The following KCNIP4 variants were observed in gnomAD, a reference collection of about 807,000 sequenced individuals.
The protein encoded by KCNIP4 is potassium voltage-gated channel interacting protein 4.
Under a neutral mutation model 34.0 loss-of-function variants are expected in KCNIP4, and 12 were observed. The observed-to-expected ratio is 0.35, with a 90% CI of 0.23 to 0.57. The LOEUF is 0.57. Among genes scored for constraint, KCNIP4 ranks in the 20% least tolerant of loss-of-function variants. The probability of loss-of-function intolerance (pLI) is 0.83; values close to 1 mark genes in which losing one functional copy is unlikely to be tolerated. For synonymous variants in KCNIP4, 124 were observed against 102.2 expected (o/e 1.21, Z -1.29); for missense variants, 238 against 311.7 (o/e 0.76, Z 1.78).
intron 1 of KCNIP4, chr4:21,303,764 A>T: frequency 6.6e-7 from 1 of 1,517,518 alleles, no homozygotes; most frequent in African/African-American, 1.4e-5. Context: ...TTTTCATTGC[A>T]AAACAGAGAA....
At chr4:20,870,372 G>A (rs71607043) in intron 2 of KCNIP4, among the ~76,000 whole-genome samples, 16 of 152,112 alleles carry the variant, frequency 1.1e-4, no homozygotes, top group Admixed American at 4.6e-4. Flanking sequence ...CCCTTCACCC[G>A]TCCATCATGA....
At chr4:20,895,024 G>A (rs1184362157) in intron 1 of KCNIP4, among the ~76,000 whole-genome samples, 1 of 152,202 alleles carries the variant, frequency 6.6e-6, no homozygotes, top group Non-Finnish European at 1.5e-5. Flanking sequence ...TGATGGTAAA[G>A]ATGCACGCAG....
intron 1 of KCNIP4, among the ~76,000 whole-genome samples, chr4:21,279,997 C>T (rs1762679603): frequency 1.3e-5 from 2 of 152,160 alleles, no homozygotes; most frequent in East Asian, 3.8e-4. Context: ...ACTACTGCCA[C>T]ATTCCTCTTT....
At chr4:21,543,773 A>G (rs1366404201) in intron 1 of KCNIP4, among the ~76,000 whole-genome samples, 1 of 152,116 alleles carries the variant, frequency 6.6e-6, no homozygotes, top group Middle Eastern at 3.2e-3. Flanking sequence ...GCAAATGACT[A>G]AAGGGTGCCA....
intron 3 of KCNIP4, among the ~76,000 whole-genome samples, chr4:20,779,895 C>T (rs1220309554): frequency 6.6e-6 from 1 of 152,174 alleles, no homozygotes; most frequent in East Asian, 1.9e-4. Flanking sequence ...GAGCATGGCC[C>T]TGCTAACACC....
chr4:21,374,929 A>G lies in KCNIP4; in HGVS notation c.62-492220T>C, dbSNP rs1282587807. On this transcript the variant is annotated intron_variant, in intron 1 of 8. Transcript: ENST00000382152. ...ATTTCTTGGACTTATTTATACCATC[A>G]GTACCCTAATGACAGAAGAAATACA... Among the ~76,000 whole-genome samples the G allele has an allele frequency of 1.4e-5, 2 of 147,562 alleles. 1 individual carries two copies. The highest frequency in any genetic ancestry group is 5.4e-5 in the African/African-American group (2 of 37,132).
At chr4:21,414,036 CACA>C (rs1453586631) in intron 1 of KCNIP4, among the ~76,000 whole-genome samples, 1 of 151,976 alleles carries the variant, frequency 6.6e-6, no homozygotes, top group Non-Finnish European at 1.5e-5. Flanking sequence ...AGTGTAAACA[CACA>C]ACATTAACGA....
chr4:21,073,562 T>C (rs1034557753), intron 1 of KCNIP4, among the ~76,000 whole-genome samples: 15 of 152,204 alleles, frequency 9.9e-5, no homozygotes, highest in Non-Finnish European at 1.9e-4. Context: ...TTTCGAAATA[T>C]ACAATCATGT....
intron 1 of KCNIP4, among the ~76,000 whole-genome samples, chr4:21,585,861 T>A (rs1347943641): frequency 6.6e-6 from 1 of 152,080 alleles, no homozygotes; most frequent in Non-Finnish European, 1.5e-5. Flanking sequence ...ATGATGTTTA[T>A]CAGTTTTAAA....
At chr4:21,883,960 CG>C (rs1726610318) in intron 1 of KCNIP4, among the ~76,000 whole-genome samples, 1 of 151,998 alleles carries the variant, frequency 6.6e-6, no homozygotes, top group Admixed American at 6.6e-5. Context: ...TAGAAATATT[CG>C]GGAGTAGGTC....
At chr4:21,387,968 G>C (rs1722182542) in intron 1 of KCNIP4, among the ~76,000 whole-genome samples, 1 of 152,094 alleles carries the variant, frequency 6.6e-6, no homozygotes, top group Admixed American at 6.6e-5. Flanking sequence ...GCTCAGAGAG[G>C]GGAATGAGTG....
chr4:21,086,574 T>C (rs1577667063), intron 1 of KCNIP4, among the ~76,000 whole-genome samples: 1 of 152,340 alleles, frequency 6.6e-6, no homozygotes, highest in African/African-American at 2.4e-5. Context: ...ACAGGAAGGT[T>C]AATGAAGCAT....
At chr4:21,352,187 G>A (rs750095197) in intron 1 of KCNIP4, among the ~76,000 whole-genome samples, 39 of 152,250 alleles carry the variant, frequency 2.6e-4, no homozygotes, top group Admixed American at 2.3e-3. Context: ...AACAGCTCCG[G>A]TCTGCAGCTC....
chr4:20,747,958 A>T (rs1447716332), intron 5 of KCNIP4, among the ~76,000 whole-genome samples: 1 of 152,130 alleles, frequency 6.6e-6, no homozygotes, highest in Non-Finnish European at 1.5e-5. Context: ...ATACAATTCT[A>T]CCAATTTTGT....
At chr4:20,757,723 T>G (rs574237858) in intron 4 of KCNIP4, among the ~76,000 whole-genome samples, 2 of 152,250 alleles carry the variant, frequency 1.3e-5, no homozygotes, top group African/African-American at 2.4e-5. Context: ...CTATACACTT[T>G]GGAAATGGAT....
chr4:21,907,689 C>G (rs570414995), intron 1 of KCNIP4, among the ~76,000 whole-genome samples: 1 of 152,008 alleles, frequency 6.6e-6, no homozygotes, highest in Non-Finnish European at 1.5e-5. Flanking sequence ...TTCCTGTTTC[C>G]CCAATCCTCA....
intron 1 of KCNIP4, among the ~76,000 whole-genome samples, chr4:20,917,414 T>C (rs188436965): frequency 5.2e-4 from 79 of 152,208 alleles, no homozygotes; most frequent in African/African-American, 1.7e-3. Context: ...CTCTGTTTTA[T>C]GAAATGTCTG....
intron 1 of KCNIP4, among the ~76,000 whole-genome samples, chr4:20,951,816 T>G (rs1469055110): frequency 6.6e-6 from 1 of 152,304 alleles, no homozygotes; most frequent in African/African-American, 2.4e-5. Context: ...GATAGCACAA[T>G]AGATTTTCAA....
rs1743928563 is a variant in KCNIP4, at chr4:21,608,903, T to G, written c.61+339668A>C. ...TAATGGCCCAAATGTACTTCAAGAA[T>G]GCAGCAATTGAAAACAAGTCACCCG... On this transcript the variant is annotated intron_variant, in intron 1 of 8. Transcript: ENST00000382152. 2.0e-5 allele frequency: 3 copies of G among 152,194 alleles called. No homozygotes were observed. The South Asian group carries it at 6.2e-4, about 31-fold the overall frequency. 9.4% of individuals were successfully genotyped at this position (152,194 alleles called of 1,614,324 possible). A position where few individuals can be genotyped will look rare whatever the true frequency, so the allele number is the denominator to read the frequency against.
Sources: gnomAD v4.1 joint callset for allele counts (sites outside exome capture counted in the v4.1 genomes callset) on GRCh38, gnomAD v4.1.1 for gene constraint, MANE v1.5 for transcripts, NCBI Gene and HGNC (gene_info 2026-07-23, HGNC 2026-07-21) for gene names.